ROBO2: variants seen among roughly 807,000 people sequenced by gnomAD.
ROBO2 encodes roundabout homolog 2.
A neutral mutation model predicts 160.8 loss-of-function variants in ROBO2; 53 were observed. That is an observed-to-expected ratio of 0.33 (90% confidence interval 0.26 to 0.41). The LOEUF (loss-of-function observed/expected upper bound fraction) is 0.41, where lower values mean the gene tolerates loss of function less well. Among genes scored for constraint, ROBO2 ranks in the 10% least tolerant of loss-of-function variants. The pLI, the probability that ROBO2 is intolerant of heterozygous loss-of-function variation, is 1.00. For synonymous variants in ROBO2, 664 were observed against 611.7 expected (o/e 1.09, Z -1.26); for missense variants, 1,577 against 1,722.4 (o/e 0.92, Z 1.49).
intron 2 of ROBO2, among the ~76,000 whole-genome samples, chr3:76,725,910 C>T (rs187004584): frequency 6.6e-6 from 1 of 152,316 alleles, no homozygotes. Flanking sequence ...ATATTAATGT[C>T]TAACATCCTT....
chr3:76,737,350 G>T lies in ROBO2; in HGVS notation c.110-360664G>T, dbSNP rs1236270145. The stretch of plus-strand genomic sequence containing the variant: ...TCTGGTATTTTCTGTTGTGGTGTCT[G>T]CTATAAACATTCCTCCATGCTCAAA... On this transcript the variant is annotated intron_variant, in intron 2 of 26. Transcript: ENST00000487694. Among the ~76,000 whole-genome samples, 4 of 150,954 alleles carry T rather than the reference G, an allele frequency of 2.6e-5. No homozygotes were observed. In the South Asian group the frequency reaches 6.3e-4, roughly 24 times the overall value.
chr3:75,926,663 C>T (rs924645793), intron 1 of ROBO2, among the ~76,000 whole-genome samples: 3 of 152,140 alleles, frequency 2.0e-5, no homozygotes, highest in Non-Finnish European at 4.4e-5. Context: ...CATTAGGTAT[C>T]AGAGTTTATG....
intron 13 of ROBO2, among the ~76,000 whole-genome samples, chr3:77,571,981 C>T (rs939595881): frequency 5.9e-5 from 9 of 151,462 alleles, no homozygotes; most frequent in Non-Finnish European, 1.0e-4. Flanking sequence ...ATATACTGGC[C>T]GATGATAGTG....
At chr3:76,775,452 C>G (rs1034729410) in intron 2 of ROBO2, among the ~76,000 whole-genome samples, 75 of 150,792 alleles carry the variant, frequency 5.0e-4, no homozygotes, top group African/African-American at 1.7e-3. Context: ...GGATTGACAA[C>G]AAGTTACTGG....
At chr3:77,423,260 A>G (rs1560791396) in intron 2 of ROBO2, among the ~76,000 whole-genome samples, 3 of 152,146 alleles carry the variant, frequency 2.0e-5, no homozygotes, top group African/African-American at 4.8e-5. Context: ...ATGAATTACT[A>G]TGTCATATTA....
At chr3:76,729,795 G>A (rs935216509) in intron 2 of ROBO2, among the ~76,000 whole-genome samples, 12 of 151,962 alleles carry the variant, frequency 7.9e-5, no homozygotes, top group Admixed American at 2.0e-4. Context: ...GTGCCACCAC[G>A]CCTGGCTAAT....
intron 2 of ROBO2, among the ~76,000 whole-genome samples, chr3:77,346,844 TCCCTTTCTCCTTTG>T (rs1416152725): frequency 6.6e-6 from 1 of 152,158 alleles, no homozygotes; most frequent in East Asian, 1.9e-4. Context: ...TCTCTCTTAA[TCCCTTTCTCCTTTG>T]TCCTTTCTCC....
intron 2 of ROBO2, among the ~76,000 whole-genome samples, chr3:76,849,140 T>G (rs2069074173): frequency 6.6e-6 from 1 of 152,200 alleles, no homozygotes. Flanking sequence ...TTAGTAAAAT[T>G]ATACTATAAT....
intron 2 of ROBO2, among the ~76,000 whole-genome samples, chr3:77,106,709 T>G (rs1423759966): frequency 6.6e-6 from 1 of 152,226 alleles, no homozygotes; most frequent in Non-Finnish European, 1.5e-5. Flanking sequence ...TCAATAGTAT[T>G]AAGATATTCT....
At chr3:76,738,620 C>T (rs966272357) in intron 2 of ROBO2, among the ~76,000 whole-genome samples, 1 of 152,148 alleles carries the variant, frequency 6.6e-6, no homozygotes, top group Non-Finnish European at 1.5e-5. Context: ...GAGAAAATTG[C>T]TCTTCGAACA....
chr3:75,921,925 T>C (rs1440896467), intron 1 of ROBO2, among the ~76,000 whole-genome samples: 1 of 152,116 alleles, frequency 6.6e-6, no homozygotes, highest in African/African-American at 2.4e-5. Flanking sequence ...CAAAAACAGT[T>C]TCTGTATAGT....
chr3:76,359,873 A>T (rs1251052552), intron 2 of ROBO2, among the ~76,000 whole-genome samples: 2 of 152,072 alleles, frequency 1.3e-5, no homozygotes, highest in African/African-American at 4.8e-5. Flanking sequence ...GAACTCTCCC[A>T]GTCTAAAGTT....
intron 2 of ROBO2, among the ~76,000 whole-genome samples, chr3:76,268,819 G>A (rs914199119): frequency 3.3e-5 from 5 of 152,126 alleles, no homozygotes; most frequent in African/African-American, 7.2e-5. Flanking sequence ...AAGGCAACAT[G>A]TAGCCCTGAG....
At chr3:76,655,131 T>C (rs889124096) in intron 2 of ROBO2, among the ~76,000 whole-genome samples, 4 of 150,464 alleles carry the variant, frequency 2.7e-5, no homozygotes, top group Non-Finnish European at 5.9e-5. Flanking sequence ...TCCTGATGCA[T>C]ATGTGCAAGA....
intron 2 of ROBO2, among the ~76,000 whole-genome samples, chr3:76,483,956 G>A (rs959334704): frequency 9.9e-5 from 15 of 151,862 alleles, no homozygotes; most frequent in African/African-American, 3.4e-4. Context: ...TTCTTTATCC[G>A]GTCTATCACT....
chr3:77,174,719 C>T (rs1012419210), intron 2 of ROBO2, among the ~76,000 whole-genome samples: 1 of 151,988 alleles, frequency 6.6e-6, no homozygotes, highest in Non-Finnish European at 1.5e-5. Context: ...CCAGTCGAAA[C>T]CTGTCAAATA....
intron 2 of ROBO2, among the ~76,000 whole-genome samples, chr3:77,104,247 A>T (rs1355997203): frequency 6.6e-6 from 1 of 152,124 alleles, no homozygotes; most frequent in Non-Finnish European, 1.5e-5. Flanking sequence ...CCCTAAGTAA[A>T]TGCTAATCTA....
intron 2 of ROBO2, among the ~76,000 whole-genome samples, chr3:77,272,908 C>G (rs1017081652): frequency 1.3e-5 from 2 of 152,060 alleles, no homozygotes; most frequent in Non-Finnish European, 2.9e-5. Flanking sequence ...CTATTAAGGA[C>G]TAGATATTCA....
At chr3:77,322,652 T>C (rs1367499957) in intron 2 of ROBO2, among the ~76,000 whole-genome samples, 1 of 150,576 alleles carries the variant, frequency 6.6e-6, no homozygotes, top group African/African-American at 2.4e-5. Flanking sequence ...TTGGATGGAC[T>C]ATATTTTATA....
Sources: gnomAD v4.1 joint callset for allele counts (sites outside exome capture counted in the v4.1 genomes callset) on GRCh38, gnomAD v4.1.1 for gene constraint, MANE v1.5 for transcripts, NCBI Gene and HGNC (gene_info 2026-07-23, HGNC 2026-07-21) for gene names.